Variants in DACH2 observed in about 807,000 individuals in gnomAD.
DACH2 encodes dachshund family transcription factor 2.
Under a neutral mutation model 35.8 loss-of-function variants are expected in DACH2, and 17 were observed. The observed-to-expected ratio is 0.48, with a 90% CI of 0.33 to 0.71. The LOEUF is 0.71. Among genes scored for constraint, DACH2 ranks in the 30% least tolerant of loss-of-function variants. The pLI, the probability that DACH2 is intolerant of heterozygous loss-of-function variation, is 0.02. For synonymous variants in DACH2, 195 were observed against 177.3 expected (o/e 1.10, Z -0.79); for missense variants, 469 against 472.7 (o/e 0.99, Z 0.07).
At chrX:86,235,673 T>C (rs2033042968) in intron 1 of DACH2, among the ~76,000 whole-genome samples, 2 of 112,308 alleles carry the variant, frequency 1.8e-5, no homozygotes, top group Non-Finnish European at 1.9e-5. Flanking sequence ...TTATTTAAAA[T>C]ACTCTAGAAA....
At chrX:86,537,485 G>A (rs1192715775) in intron 3 of DACH2, among the ~76,000 whole-genome samples, 1 of 111,085 alleles carries the variant, frequency 9.0e-6, no homozygotes, top group Non-Finnish European at 1.9e-5. Flanking sequence ...CCACACCCTT[G>A]TTTTCCTCCC....
chrX:86,592,271 A>G (rs6623727), intron 3 of DACH2, among the ~76,000 whole-genome samples: 35,096 of 110,691 alleles, frequency 0.32, 4,349 homozygotes, highest in East Asian at 0.54. Context: ...ATTTGTTAAA[A>G]AGATTATGAT....
rs1569282832 is a variant in DACH2, at chrX:86,148,693, G to C, written c.73G>C (p.Ala25Pro). Reference protein sequence around the residue: ...GAGVPGGLFRAEPLYSTPREP... With the variant: ...GAGVPGGLFRPEPLYSTPREP... ...CGGCGTCCCGGGGGGCTTATTCCGGGCCGAACCCCTGTACTCGACTCCCAG... is the reference window on the plus strand; with the variant it reads ...CGGCGTCCCGGGGGGCTTATTCCGGCCCGAACCCCTGTACTCGACTCCCAG... Residue 25 changes from alanine (A) to proline (P), a missense_variant, in exon 1 of 12, where the codon GCC becomes CCC. Ala to Pro is a conservative substitution (Grantham distance 27, BLOSUM62 -1). Transcript: ENST00000373125. 4.1e-6 allele frequency: 5 copies of C among 1,208,752 alleles called. No individual in the cohort carries two copies. The highest frequency in any genetic ancestry group is 3.4e-6 in the Non-Finnish European group (3 of 894,127).
intron 3 of DACH2, among the ~76,000 whole-genome samples, chrX:86,546,971 C>T (rs1346718212): frequency 1.8e-5 from 2 of 111,470 alleles, no homozygotes; most frequent in East Asian, 2.8e-4. Flanking sequence ...AGACTTGACC[C>T]TGTCCTCCCT....
At chrX:86,467,668 C>T (rs1286194446) in intron 2 of DACH2, among the ~76,000 whole-genome samples, 1 of 111,437 alleles carries the variant, frequency 9.0e-6, no homozygotes, top group Non-Finnish European at 1.9e-5. Context: ...TTAGTTCTTT[C>T]TCACACTGCT....
intron 4 of DACH2, among the ~76,000 whole-genome samples, chrX:86,666,310 T>TGAGA (rs778120380): frequency 8.2e-4 from 37 of 44,869 alleles, no homozygotes; most frequent in Admixed American, 9.1e-4. Flanking sequence ...TGTGTGTGTG[T>TGAGA]GTGAGAGAGA....
chrX:86,359,334 A>T (rs2035699941), intron 1 of DACH2, among the ~76,000 whole-genome samples: 1 of 111,676 alleles, frequency 9.0e-6, no homozygotes, highest in African/African-American at 3.3e-5. Flanking sequence ...ACATTTTGAT[A>T]CTATACATTA....
intron 1 of DACH2, among the ~76,000 whole-genome samples, chrX:86,306,352 A>G (rs1168832800): frequency 8.9e-6 from 1 of 112,267 alleles, no homozygotes. Flanking sequence ...GCACCAAAGG[A>G]CAAATATCAC....
At chrX:86,179,727 G>A (rs1042494925) in intron 1 of DACH2, among the ~76,000 whole-genome samples, 3 of 110,756 alleles carry the variant, frequency 2.7e-5, no homozygotes, top group Non-Finnish European at 5.7e-5. Context: ...CAATGAAGGA[G>A]CTGGCTTGCT....
intron 2 of DACH2, among the ~76,000 whole-genome samples, chrX:86,485,770 T>C (rs1028239912): frequency 9.0e-6 from 1 of 111,684 alleles, no homozygotes. Flanking sequence ...TTTTAACTGT[T>C]TTTCCCACAT....
At chrX:86,556,923 C>G in intron 3 of DACH2, among the ~76,000 whole-genome samples, 1 of 105,595 alleles carries the variant, frequency 9.5e-6, no homozygotes, top group Non-Finnish European at 1.9e-5. Flanking sequence ...CTAGGAAAGC[C>G]AGTGATGTAA....
Position 86,812,932 on chromosome X carries a change from C to G in DACH2, c.1317C>G (p.Pro439=), listed in dbSNP as rs772992214. 1.7e-6 allele frequency: 2 copies of G among 1,207,969 alleles called. No homozygotes were observed. The highest frequency in any genetic ancestry group is 5.9e-5 in the East Asian group (2 of 33,731). ...AGCTGACTCCTGGGCAGGCATTGCC[C>G]GCTGGATTCCCTGGACCATTCATTT... ...KIQLTPGQAL[P]AGFPGPFIFA... Residue 439 remains proline, a synonymous_variant, in exon 8 of 12, where the codon CCC becomes CCG. Transcript: ENST00000373125.
chrX:86,664,831 GC>G (rs2040647996), intron 4 of DACH2, among the ~76,000 whole-genome samples: 1 of 112,050 alleles, frequency 8.9e-6, no homozygotes, highest in Non-Finnish European at 1.9e-5. Context: ...TGAATTCTCA[GC>G]TATTATGCAG....
intron 1 of DACH2, among the ~76,000 whole-genome samples, chrX:86,201,354 G>A (rs922636864): frequency 9.1e-6 from 1 of 109,751 alleles, no homozygotes; most frequent in African/African-American, 3.3e-5. Context: ...TTAATACCTG[G>A]GTGATTAAAT....
chrX:86,182,894 C>T (rs1044091313), intron 1 of DACH2, among the ~76,000 whole-genome samples: 2 of 111,027 alleles, frequency 1.8e-5, no homozygotes, highest in Non-Finnish European at 3.8e-5. Flanking sequence ...CGTCTGCATG[C>T]CTTATAAGTT....
chrX:86,533,486 C>T (rs1441598071), intron 3 of DACH2, among the ~76,000 whole-genome samples: 3 of 111,572 alleles, frequency 2.7e-5, no homozygotes, highest in Non-Finnish European at 5.6e-5. Context: ...CTCTGTTCTT[C>T]ATATATCTCT....
chrX:86,153,998 A>T (rs1473535840), intron 1 of DACH2, among the ~76,000 whole-genome samples: 1 of 111,652 alleles, frequency 9.0e-6, no homozygotes, highest in Non-Finnish European at 1.9e-5. Flanking sequence ...TAATTAGGAC[A>T]TGATGGTCTT....
In DACH2 at chrX:86,497,571, A is replaced by G. The variant is rs188754996; in HGVS notation, c.528-16708A>G. Among the ~76,000 whole-genome samples, 632 of 111,381 alleles carry G rather than the reference A, an allele frequency of 5.7e-3. 5 individuals carry two copies. The highest frequency in any genetic ancestry group is 0.02 in the African/African-American group (605 of 30,601). On this transcript the variant is annotated intron_variant, in intron 2 of 11. Coordinates refer to ENST00000373125, the MANE Select transcript of DACH2 (RefSeq NM_053281.3). ...GGCAGGAGGCTAGGGTCTGAGGAGG[A>G]AGAGAGCTGGTGAGAATTTCCAAGG...
chrX:86,504,594 A>G (rs1292254081), intron 2 of DACH2, among the ~76,000 whole-genome samples: 1 of 110,343 alleles, frequency 9.1e-6, no homozygotes, highest in Non-Finnish European at 1.9e-5. Context: ...TTGTGTTAAC[A>G]ACATTCACAT....
Sources: gnomAD v4.1 joint callset for allele counts (sites outside exome capture counted in the v4.1 genomes callset) on GRCh38, gnomAD v4.1.1 for gene constraint, MANE v1.5 for transcripts, NCBI Gene and HGNC (gene_info 2026-07-23, HGNC 2026-07-21) for gene names.